Variants in ZMYM4 observed in about 807,000 individuals in gnomAD.
ZMYM4 encodes the protein zinc finger MYM-type protein 4.
A neutral mutation model predicts 183.2 loss-of-function variants in ZMYM4; 31 were observed. The ratio of observed to expected loss-of-function variants is 0.17; its 90% CI spans 0.13 to 0.23. The LOEUF is 0.23. ZMYM4 is among the 10% of genes least tolerant of loss of function. The pLI, the probability that ZMYM4 is intolerant of heterozygous loss-of-function variation, is 1.00. For synonymous variants in ZMYM4, 592 were observed against 631.2 expected, an observed-to-expected ratio of 0.94 and a Z score of 0.93; for missense variants, 1,273 against 1,840.3, an observed-to-expected ratio of 0.69 and a Z score of 5.64.
intron 11 of ZMYM4, among the ~76,000 whole-genome samples, chr1:35,386,448 C>T (rs544820295): frequency 6.6e-6 from 1 of 152,216 alleles, no homozygotes; most frequent in South Asian, 2.1e-4. Flanking sequence ...GCGGGAGGTG[C>T]TACACTTTTA....
At position 35,386,339 on chromosome 1, in the gene ZMYM4, A is replaced by G. The variant is rs1310753908; in HGVS notation, c.1836+150A>G. 7 of 573,146 alleles carry G rather than the reference A, an allele frequency of 1.2e-5. No individual in the cohort carries two copies. The South Asian group carries it at 1.8e-4, about 15-fold the overall frequency. The allele number at this position is 573,146 out of a possible 1,614,324, so 35.5% of individuals were successfully genotyped here. On this transcript the variant is annotated intron_variant, in intron 11 of 29. Transcript: ENST00000314607. ...TCACAGTTCCACAGGCTGTACAGGTAGCATGGCTGGAGAGGCCTCAGGAAA... is the reference window on the plus strand; with the variant it reads ...TCACAGTTCCACAGGCTGTACAGGTGGCATGGCTGGAGAGGCCTCAGGAAA...
chr1:35,398,756 A>C, intron 21 of ZMYM4, 108 bp from the exon 22 acceptor site: 1 of 1,138,800 alleles, frequency 8.8e-7, no homozygotes, highest in East Asian at 2.5e-5. Context: ...GTAATTGTCC[A>C]TCAACCGTAT....
At chr1:35,281,695 A>C (rs1190705582) in intron 1 of ZMYM4, among the ~76,000 whole-genome samples, 1 of 151,492 alleles carries the variant, frequency 6.6e-6, no homozygotes, top group Non-Finnish European at 1.5e-5. Flanking sequence ...AACATTTACC[A>C]TTTTAACAAC....
intron 13 of ZMYM4, among the ~76,000 whole-genome samples, chr1:35,388,649 C>T (rs1644634770): frequency 6.6e-6 from 1 of 152,166 alleles, no homozygotes; most frequent in Non-Finnish European, 1.5e-5. Context: ...ACTCTGTGAA[C>T]TGGTCAGGAC....
At chr1:35,338,104 T>G (rs1558031261) in intron 2 of ZMYM4, among the ~76,000 whole-genome samples, 1 of 152,200 alleles carries the variant, frequency 6.6e-6, no homozygotes, top group Non-Finnish European at 1.5e-5. Context: ...AAAATCATTC[T>G]TAGCTCTTGG....
chr1:35,323,621 G>A (rs1642383060), intron 1 of ZMYM4, among the ~76,000 whole-genome samples: 1 of 151,620 alleles, frequency 6.6e-6, no homozygotes, highest in African/African-American at 2.4e-5. Context: ...TCAGCTCACT[G>A]CAAGCTCTGT....
chr1:35,410,340 C>T (rs1397007503), intron 26 of ZMYM4, among the ~76,000 whole-genome samples: 1 of 151,982 alleles, frequency 6.6e-6, no homozygotes, highest in African/African-American at 2.4e-5. Context: ...GTTGTAGAAA[C>T]TATATATATT....
intron 23 of ZMYM4, 52 bp downstream of exon 23, chr1:35,399,628 A>C (rs770885641): frequency 6.3e-7 from 1 of 1,586,320 alleles, no homozygotes; most frequent in African/African-American, 1.3e-5. Context: ...TTCTACAAGC[A>C]TTATTTAGTT....
chr1:35,275,392 C>A (rs562323102), intron 1 of ZMYM4, among the ~76,000 whole-genome samples: 2 of 152,016 alleles, frequency 1.3e-5, no homozygotes, highest in African/African-American at 4.8e-5. Flanking sequence ...CAGGCGTGCA[C>A]CACAATGCCC....
chr1:35,353,410 T>G (rs1245318494), intron 2 of ZMYM4, among the ~76,000 whole-genome samples: 1 of 152,240 alleles, frequency 6.6e-6, no homozygotes, highest in Admixed American at 6.5e-5. Flanking sequence ...AACGACTTCC[T>G]TTTACACTTA....
intron 2 of ZMYM4, among the ~76,000 whole-genome samples, chr1:35,358,645 A>G (rs1570431390): frequency 6.6e-6 from 1 of 152,202 alleles, no homozygotes; most frequent in Non-Finnish European, 1.5e-5. Flanking sequence ...TGATTTCAAC[A>G]CAGATATGTC....
At position 35,414,033 on chromosome 1, in the gene ZMYM4, T is replaced by G. The variant is rs772995737; in HGVS notation, c.4010T>G (p.Ile1337Ser). ...ACTGAGCCCTATTCCAGATTTATGATTGAACTTACCAAACTCTTGAAAATA... is the reference window on the plus strand; with the variant it reads ...ACTGAGCCCTATTCCAGATTTATGAGTGAACTTACCAAACTCTTGAAAATA... ...IFTEPYSRFM[I>S]ELTKLLKIWE... The change falls in exon 27 of 30, where the codon ATT becomes AGT. Residue 1337 changes from isoleucine (I) to serine (S), a missense_variant. By Grantham distance (142) the Ile-to-Ser change is moderately radical (BLOSUM62 -2). This residue lies in a region of ZMYM4 where 145 missense variants were observed against 331.6 expected (regional missense o/e 0.44). Coordinates refer to ENST00000314607, the MANE Select transcript of ZMYM4 (RefSeq NM_005095.3). 6.3e-7 allele frequency: 1 copy of G among 1,595,806 alleles called. No homozygotes were observed. The highest frequency in any genetic ancestry group is 1.2e-5 in the South Asian group (1 of 85,820).
intron 26 of ZMYM4, among the ~76,000 whole-genome samples, chr1:35,408,982 C>T (rs1022840923): frequency 2.6e-5 from 4 of 152,178 alleles, no homozygotes; most frequent in African/African-American, 4.8e-5. Flanking sequence ...TGCTTTCTGT[C>T]TCTCTGGACT....
chr1:35,301,839 C>T lies in ZMYM4; in HGVS notation c.40-23521C>T, dbSNP rs188583849. Among the ~76,000 whole-genome samples, 7 of 152,268 alleles carry T rather than the reference C, an allele frequency of 4.6e-5. No homozygotes were observed. The East Asian group carries it at 9.6e-4, about 21-fold the overall frequency. On this transcript the variant is annotated intron_variant, in intron 1 of 29. Transcript: ENST00000314607. ...TCCTCAACTTCGGGAGATTGCCAGG[C>T]TCCATTTAGGTTCACTCTGTATGCT...
intron 20 of ZMYM4, 83 bp downstream of exon 20, chr1:35,397,628 CAGG>C: frequency 1.6e-6 from 2 of 1,258,988 alleles, no homozygotes; most frequent in South Asian, 1.9e-5. Context: ...AAGTATAAGA[CAGG>C]GTGTTTCTAA....
At chr1:35,305,046 A>G (rs1057296417) in intron 1 of ZMYM4, among the ~76,000 whole-genome samples, 10 of 152,096 alleles carry the variant, frequency 6.6e-5, no homozygotes, top group Non-Finnish European at 7.4e-5. Flanking sequence ...GGGTTTCACC[A>G]TGTTGGCCAG....
intron 1 of ZMYM4, among the ~76,000 whole-genome samples, chr1:35,270,967 G>A (rs937590357): frequency 3.3e-5 from 5 of 152,176 alleles, no homozygotes; most frequent in African/African-American, 1.2e-4. Flanking sequence ...CATAGAGCAA[G>A]TTAAGCTGTA....
At chr1:35,324,307 C>A (rs1642415527) in intron 1 of ZMYM4, among the ~76,000 whole-genome samples, 1 of 152,056 alleles carries the variant, frequency 6.6e-6, no homozygotes, top group Non-Finnish European at 1.5e-5. Flanking sequence ...CCATGTTGGC[C>A]AGGATGGTCT....
intron 2 of ZMYM4, among the ~76,000 whole-genome samples, chr1:35,346,290 T>C (rs1643387202): frequency 6.6e-6 from 1 of 152,122 alleles, no homozygotes; most frequent in Admixed American, 6.5e-5. Flanking sequence ...GTGGAATGTT[T>C]TATGATCAAT....
Sources: gnomAD v4.1 joint callset for allele counts (sites outside exome capture counted in the v4.1 genomes callset) on GRCh38, gnomAD v4.1.1 for gene constraint, gnomAD v4.1.1 regional missense constraint, MANE v1.5 for transcripts, NCBI Gene and HGNC (gene_info 2026-07-23, HGNC 2026-07-21) for gene names.